The following ACER2 variants were observed in gnomAD, a reference collection of about 807,000 sequenced individuals.
ACER2 encodes alkCDase 2.
Under a neutral mutation model 34.7 loss-of-function variants are expected in ACER2, and 26 were observed. The ratio of observed to expected loss-of-function variants is 0.75; its 90% confidence interval spans 0.55 to 1.04. The LOEUF (loss-of-function observed/expected upper bound fraction) is 1.04, where lower values mean the gene tolerates loss of function less well. Among genes scored for constraint, ACER2 ranks in the 50% least tolerant of loss-of-function variants. ACER2 has a pLI of 0.00. For synonymous variants in ACER2, 138 were observed against 132.1 expected, an observed-to-expected ratio of 1.04 and a Z score of -0.31; for missense variants, 352 against 340.8, an observed-to-expected ratio of 1.03 and a Z score of -0.26.
chr9:19,429,581 C>G (rs183017454), intron 3 of ACER2, among the ~76,000 whole-genome samples: 1 of 152,300 alleles, frequency 6.6e-6, no homozygotes, highest in East Asian at 1.9e-4. Context: ...ATACTCCCAC[C>G]TTGGCCTCCC....
intron 4 of ACER2, among the ~76,000 whole-genome samples, chr9:19,441,329 A>C (rs558356502): frequency 6.6e-6 from 1 of 152,168 alleles, no homozygotes; most frequent in East Asian, 1.9e-4. Context: ...GATTACAGGC[A>C]TGAGCCACAT....
At chr9:19,424,572 T>G (rs1830503680) in intron 2 of ACER2, 128 bp from the exon 3 acceptor site, 1 of 1,493,990 alleles carries the variant, frequency 6.7e-7, no homozygotes, top group South Asian at 1.4e-5. Flanking sequence ...TTCTTCAGTT[T>G]CTTTTTTCAG....
intron 4 of ACER2, among the ~76,000 whole-genome samples, chr9:19,443,286 C>T (rs1831219703): frequency 6.6e-6 from 1 of 152,166 alleles, no homozygotes; most frequent in Non-Finnish European, 1.5e-5. Flanking sequence ...CCTGCTTCAG[C>T]CTCCCAAAGT....
Position 19,423,989 on chromosome 9 carries a change from A to G in ACER2, c.223+13A>G. The G allele has an allele frequency of 1.3e-6, 2 of 1,584,428 alleles. No homozygotes were observed. The highest frequency in any genetic ancestry group is 1.7e-6 in the Non-Finnish European group (2 of 1,152,908). The stretch of plus-strand genomic sequence containing the variant: ...TTGGTTGTAGTGGGTAAGTGGAGTC[A>G]TTTGGGAACACGGACTTAATGGGGT... On this transcript the variant is annotated intron_variant, in intron 2 of 5. Coordinates refer to ENST00000340967, the MANE Select transcript of ACER2 (RefSeq NM_001010887.3).
chr9:19,423,814 C>G (rs200314720), intron 1 of ACER2, 48 bp from the exon 2 acceptor site: 1 of 1,460,640 alleles, frequency 6.8e-7, no homozygotes, highest in Non-Finnish European at 9.6e-7. Flanking sequence ...TATTTTTTGC[C>G]CTTTTTACTT....
chr9:19,443,725 C>G (rs1831236955), intron 4 of ACER2, among the ~76,000 whole-genome samples: 2 of 152,100 alleles, frequency 1.3e-5, no homozygotes, highest in East Asian at 1.9e-4. Context: ...GGTGCGATCT[C>G]AGCTCTCTGC....
At chr9:19,422,709 C>T (rs1353255710) in intron 1 of ACER2, among the ~76,000 whole-genome samples, 1 of 150,390 alleles carries the variant, frequency 6.6e-6, no homozygotes. Context: ...TTTTTTTAAC[C>T]ATTATTTAAT....
intron 1 of ACER2, among the ~76,000 whole-genome samples, chr9:19,420,985 T>C (rs1327076542): frequency 6.6e-6 from 1 of 152,184 alleles, no homozygotes; most frequent in Admixed American, 6.6e-5. Flanking sequence ...TATAACATTA[T>C]AGACCATACT....
intron 1 of ACER2, among the ~76,000 whole-genome samples, chr9:19,412,282 T>A (rs1589029383): frequency 1.3e-5 from 2 of 152,182 alleles, no homozygotes; most frequent in South Asian, 4.1e-4. Flanking sequence ...AGTTGTAGAG[T>A]GAAAAATAAC....
chr9:19,419,962 T>G (rs1351225091), intron 1 of ACER2, among the ~76,000 whole-genome samples: 1 of 152,140 alleles, frequency 6.6e-6, no homozygotes, highest in Non-Finnish European at 1.5e-5. Flanking sequence ...CTTTCTCCCG[T>G]TTCTAAAAAG....
intron 3 of ACER2, among the ~76,000 whole-genome samples, chr9:19,434,105 C>G (rs1189381008): frequency 6.6e-6 from 1 of 151,000 alleles, no homozygotes; most frequent in African/African-American, 2.4e-5. Flanking sequence ...GGGTGGCGGC[C>G]GGGCAGAGGC....
intron 4 of ACER2, among the ~76,000 whole-genome samples, chr9:19,445,828 C>T (rs1831335901): frequency 6.6e-6 from 1 of 152,056 alleles, no homozygotes; most frequent in Non-Finnish European, 1.5e-5. Flanking sequence ...GTTAAATTGG[C>T]TGTAGGGGCA....
At chr9:19,444,260 G>A (rs1329959419) in intron 4 of ACER2, among the ~76,000 whole-genome samples, 1 of 148,648 alleles carries the variant, frequency 6.7e-6, no homozygotes, top group Admixed American at 6.7e-5. Flanking sequence ...CCCCTGGGCT[G>A]GAGTGCAGTG....
At chr9:19,433,274 T>C (rs1179165585) in intron 3 of ACER2, among the ~76,000 whole-genome samples, 1 of 150,990 alleles carries the variant, frequency 6.6e-6, no homozygotes, top group Non-Finnish European at 1.5e-5. Context: ...CAAAGGTCTC[T>C]GGTTTTCCTA....
chr9:19,412,325 AT>A (rs1329268403), intron 1 of ACER2, among the ~76,000 whole-genome samples: 1 of 152,224 alleles, frequency 6.6e-6, no homozygotes, highest in African/African-American at 2.4e-5. Context: ...TTCTAGGCAT[AT>A]AAAAAGCACA....
At chr9:19,439,649 C>T (rs1831083487) in intron 4 of ACER2, among the ~76,000 whole-genome samples, 1 of 152,208 alleles carries the variant, frequency 6.6e-6, no homozygotes, top group Non-Finnish European at 1.5e-5. Flanking sequence ...CCCTTTCACC[C>T]TTGCTGTCAT....
chr9:19,452,024 T>G lies in ACER2; in HGVS notation c.*1388T>G, dbSNP rs1198498973. The G allele has an allele frequency of 1.3e-5, 2 of 152,658 alleles. No homozygotes were observed. Among genetic ancestry groups the G allele is most frequent in the African/African-American group, 4.8e-5 (2 of 41,450 alleles). The allele number at this position is 152,658 out of a possible 1,614,324, so 9.5% of individuals were successfully genotyped here. On this transcript the variant is annotated 3_prime_UTR_variant, in exon 6 of 6. Coordinates refer to ENST00000340967, the MANE Select transcript of ACER2 (RefSeq NM_001010887.3). ...GGTGCAGCAGCGCAAATCTGTTGCC[T>G]TCTGAATTTTTCTCACCTAATGTGA...
chr9:19,428,520 T>G (rs1830651296), intron 3 of ACER2, among the ~76,000 whole-genome samples: 1 of 152,058 alleles, frequency 6.6e-6, no homozygotes, highest in African/African-American at 2.4e-5. Context: ...GTGAGATTTT[T>G]GGAGAAGAGA....
At chr9:19,427,338 G>T (rs1351447448) in intron 3 of ACER2, among the ~76,000 whole-genome samples, 1 of 152,154 alleles carries the variant, frequency 6.6e-6, no homozygotes, top group East Asian at 1.9e-4. Context: ...AATGAGCAAA[G>T]AAATAAAAGG....
Sources: gnomAD v4.1 joint callset for allele counts (sites outside exome capture counted in the v4.1 genomes callset) on GRCh38, gnomAD v4.1.1 for gene constraint, MANE v1.5 for transcripts, NCBI Gene and HGNC (gene_info 2026-07-23, HGNC 2026-07-21) for gene names.